The following TRIM66 variants were observed in gnomAD, a reference collection of about 807,000 sequenced individuals.
TRIM66 encodes tripartite motif containing 66, also known as tripartite motif-containing protein 66.
Under a neutral mutation model 148.2 loss-of-function variants are expected in TRIM66, and 99 were observed. The ratio of observed to expected loss-of-function variants is 0.67; its 90% CI spans 0.57 to 0.79. The LOEUF is 0.79. Among genes scored for constraint, TRIM66 ranks in the 30% least tolerant of loss-of-function variants. The pLI, the probability that TRIM66 is intolerant of heterozygous loss-of-function variation, is 0.00. For missense variants in TRIM66, 1,666 were observed against 1,697.9 expected, an observed-to-expected ratio of 0.98 and a Z score of 0.33; for synonymous variants, 616 against 635.9, an observed-to-expected ratio of 0.97 and a Z score of 0.47.
intron 3 of TRIM66, chr11:8,679,213 A>G (rs2039311196): frequency 1.3e-5 from 2 of 152,222 alleles, no homozygotes; most frequent in South Asian, 2.1e-4. Context: ...CTGTCAACCT[A>G]GGAAAAGTGA....
chr11:8,643,705 G>A (rs192772316), intron 12 of TRIM66, among the ~76,000 whole-genome samples: 4 of 152,064 alleles, frequency 2.6e-5, no homozygotes, highest in East Asian at 1.9e-4. Flanking sequence ...TCACTACATC[G>A]TTGACTGGCA....
intron 6 of TRIM66, among the ~76,000 whole-genome samples, chr11:8,656,009 C>T (rs2133324189): frequency 6.6e-6 from 1 of 152,266 alleles, no homozygotes; most frequent in African/African-American, 2.4e-5. Context: ...GGCACTGTCC[C>T]AGGGAGGCTG....
At chr11:8,621,610 C>T (rs953954387) in intron 19 of TRIM66, 35 bp downstream of exon 19, 7 of 1,481,530 alleles carry the variant, frequency 4.7e-6, no homozygotes, top group Non-Finnish European at 6.3e-6. Flanking sequence ...TTAGGCTGGG[C>T]CAGGGTTTAA....
At chr11:8,646,941 TGCCTC>T (rs10591325) in intron 10 of TRIM66, among the ~76,000 whole-genome samples, 127,477 of 147,172 alleles carry the variant, frequency 0.87, 55,429 homozygotes, top group Non-Finnish European at 0.9. Context: ...GAATGCATAC[TGCCTC>T]AGTAGTTTCT....
chr11:8,642,087 C>A (rs562505213), intron 13 of TRIM66, among the ~76,000 whole-genome samples: 2 of 152,316 alleles, frequency 1.3e-5, no homozygotes, highest in Admixed American at 1.3e-4. Flanking sequence ...GGCACCGGCA[C>A]TGCCCCCTGA....
At position 8,612,078 on chromosome 11, in the gene TRIM66, T is replaced by C. The variant is rs2033429014; in HGVS notation, c.*5866A>G. On this transcript the variant is annotated 3_prime_UTR_variant, in exon 25 of 25. Coordinates refer to ENST00000646038, the MANE Select transcript of TRIM66 (RefSeq NM_001388022.1). ...GTGCTGTTTTTTATTTGTTCTTGAA[T>C]GTATAGGTTCTTTTAAAATCAGCTA... 6.6e-6 allele frequency: 1 copy of C among 152,212 alleles called. No homozygotes were observed. Among genetic ancestry groups the C allele is most frequent in the African/African-American group, 2.4e-5 (1 of 41,446 alleles). The allele number at this position is 152,212 out of a possible 1,614,324, so 9.4% of individuals were successfully genotyped here.
At chr11:8,676,235 T>C (rs1295479831) in intron 3 of TRIM66, among the ~76,000 whole-genome samples, 1 of 141,104 alleles carries the variant, frequency 7.1e-6, no homozygotes, top group Non-Finnish European at 1.5e-5. Flanking sequence ...GGTAAACTTC[T>C]TTTTTTTTTT....
intron 15 of TRIM66, among the ~76,000 whole-genome samples, chr11:8,625,463 TTG>T (rs147088164): frequency 0.18 from 27,304 of 148,066 alleles, 2,612 homozygotes; most frequent in East Asian, 0.26. Flanking sequence ...CGGAGAACTA[TTG>T]TGTGTGTGTG....
chr11:8,620,098 C>G lies in TRIM66; in HGVS notation c.3699G>C (p.Leu1233Phe), dbSNP rs1247760591. Residue 1233 changes from leucine (L) to phenylalanine (F), a missense_variant, in exon 22 of 25, where the codon TTG (leucine) becomes TTC (phenylalanine). Leu to Phe is a conservative substitution (Grantham distance 22, BLOSUM62 0). Transcript: ENST00000646038. The part of the protein sequence containing the change: ...QKKCEKLVLS[L>F]CCNNLSLPFH... ...AGGGCAGGCTGAGGTTATTGCAGCA[C>G]AAGGACAATACCAGCTTCTCACACT... The G allele has an allele frequency of 6.4e-7, 1 of 1,551,620 alleles. No homozygotes were observed. Among genetic ancestry groups the G allele is most frequent in the Non-Finnish European group, 8.7e-7 (1 of 1,147,008 alleles).
chr11:8,621,391 G>A, intron 19 of TRIM66, 70 bp from the exon 20 acceptor site: 1 of 1,485,244 alleles, frequency 6.7e-7, no homozygotes, highest in Non-Finnish European at 8.9e-7. Flanking sequence ...GGGAGGGAGA[G>A]ACTGGCAGGC....
chr11:8,678,630 A>G (rs2039289619), intron 3 of TRIM66, among the ~76,000 whole-genome samples: 1 of 152,208 alleles, frequency 6.6e-6, no homozygotes, highest in Non-Finnish European at 1.5e-5. Context: ...CTTTTCTCTA[A>G]TTCTCACTTG....
intron 14 of TRIM66, among the ~76,000 whole-genome samples, chr11:8,639,515 G>C (rs964974451): frequency 2.6e-4 from 39 of 152,284 alleles, no homozygotes; most frequent in Non-Finnish European, 2.5e-4. Context: ...TCCTCCTGTG[G>C]AAAGAAGACT....
At chr11:8,663,351 A>T (rs1348639798) in intron 6 of TRIM66, 1 of 152,214 alleles carries the variant, frequency 6.6e-6, no homozygotes, top group Non-Finnish European at 1.5e-5. Flanking sequence ...TGCCTGAAAC[A>T]GTGGATAGTA....
rs1452421498 is a variant in TRIM66 at position 8,620,040 on chromosome 11, C to A, written c.3747+10G>T. The A allele has an allele frequency of 2.6e-6, 4 of 1,551,260 alleles. No homozygotes were observed. Among genetic ancestry groups the A allele is most frequent in the Non-Finnish European group, 2.6e-6 (3 of 1,146,726 alleles). ...AGGAGAAGGTGAGAGAACAGCGTGG[C>A]CTTCCTTACCAGGGGGCTGACAGGT... On this transcript the variant is annotated intron_variant, in intron 22 of 24. Coordinates refer to ENST00000646038, the MANE Select transcript of TRIM66 (RefSeq NM_001388022.1).
rs1217703352 is a variant in TRIM66, at chr11:8,621,236, C to T, written c.3341G>A (p.Arg1114Gln). ...AGATGTGCCCTCCACTTCTGGTGGC[C>T]GCTGCCCAGCCAAAGAAGTGACAGT... ...KVTVTSLAGQ[R>Q]PPEVEGTSPE... Residue 1114 changes from arginine (R) to glutamine (Q), a missense_variant, in exon 20 of 25, where the codon CGG (arginine) becomes CAG (glutamine). Physicochemically the swap from Arg to Gln is conservative, Grantham distance 43. This residue lies in a region of TRIM66 where 1,431 missense variants were observed against 1,412.4 expected (regional missense o/e 1.01). Transcript: ENST00000646038. The T allele has an allele frequency of 1.2e-5, 18 of 1,551,582 alleles. No homozygotes were observed. The highest frequency in any genetic ancestry group is 5.5e-5 in the African/African-American group (4 of 73,034).
At position 8,621,166 on chromosome 11, in the gene TRIM66, C is replaced by A; in HGVS notation, c.3411G>T (p.Lys1137Asn). ...RLIPRTPGAKKGPPAPIENED... is the reference protein window; with the variant it reads ...RLIPRTPGAKNGPPAPIENED... ...CATTCTCTATTGGGGCTGGGGGGCC[C>A]TTCTTGGCTCCTGGGGTTCGAGGAA... The change falls in exon 20 of 25, where the codon AAG (lysine) becomes AAT (asparagine). Residue 1137 changes from lysine (K) to asparagine (N), a missense_variant. Lys to Asn is a moderately conservative substitution (Grantham distance 94). This residue lies in a region of TRIM66 where 1,431 missense variants were observed against 1,412.4 expected (regional missense o/e 1.01). Coordinates refer to ENST00000646038, the MANE Select transcript of TRIM66 (RefSeq NM_001388022.1). 1 of 1,551,672 alleles carries A rather than the reference C, an allele frequency of 6.4e-7. No homozygotes were observed. The highest frequency in any genetic ancestry group is 1.4e-5 in the African/African-American group (1 of 73,156).
chr11:8,619,015 C>T (rs1417258155), intron 23 of TRIM66, 47 bp from the exon 24 acceptor site: 6 of 1,513,874 alleles, frequency 4.0e-6, no homozygotes, highest in Admixed American at 2.0e-5. Flanking sequence ...TTCTACCAGT[C>T]CATCTCTTTC....
chr11:8,682,077 G>T (rs1054725815), intron 1 of TRIM66, among the ~76,000 whole-genome samples: 2 of 152,130 alleles, frequency 1.3e-5, no homozygotes, highest in African/African-American at 4.8e-5. Context: ...GTGGCATTTA[G>T]AAAAAGTATT....
At position 8,621,776 on chromosome 11, in the gene TRIM66, G is replaced by A. The variant is rs1350056057; in HGVS notation, c.3124C>T (p.Arg1042Ter). 31 of 1,550,606 alleles carry A rather than the reference G, an allele frequency of 2.0e-5. No homozygotes were observed. The highest frequency in any genetic ancestry group is 2.4e-5 in the South Asian group (2 of 83,916). ...GAGGAGGCAGCACAGATCTTGAGTC[G>A]CTCCAGTCGCACATAGGGAATCTTA... ...EHKIPYVRLE[R>*]LKICAASSGE... Residue 1042 changes from arginine to a stop codon, truncating the protein, a stop_gained, in exon 19 of 25, where the codon CGA becomes TGA. Transcript: ENST00000646038. LOFTEE classifies it high-confidence loss of function.
Sources: gnomAD v4.1 joint callset for allele counts (sites outside exome capture counted in the v4.1 genomes callset) on GRCh38, gnomAD v4.1.1 for gene constraint, gnomAD v4.1.1 regional missense constraint, MANE v1.5 for transcripts, NCBI Gene and HGNC (gene_info 2026-07-23, HGNC 2026-07-21) for gene names.